The following MKLN1 variants were observed in gnomAD, a reference collection of about 807,000 sequenced individuals.
MKLN1 encodes muskelin 1, also known as muskelin.
Under a neutral mutation model 99.0 loss-of-function variants are expected in MKLN1, and 18 were observed. The ratio of observed to expected loss-of-function variants is 0.18; its 90% confidence interval spans 0.13 to 0.27. MKLN1 has a LOEUF of 0.27. MKLN1 is among the 10% of genes least tolerant of loss of function. The probability of loss-of-function intolerance (pLI) is 1.00; values close to 1 mark genes in which losing one functional copy is unlikely to be tolerated. For synonymous variants in MKLN1, 288 were observed against 293.2 expected (o/e 0.98, Z 0.18); for missense variants, 621 against 875.9 (o/e 0.71, Z 3.67).
At chr7:131,171,912 T>C (rs1213143178) in intron 2 of MKLN1, among the ~76,000 whole-genome samples, 2 of 152,190 alleles carry the variant, frequency 1.3e-5, no homozygotes, top group South Asian at 2.1e-4. Flanking sequence ...ATGCCTGAAG[T>C]TGGAAATGTC....
intron 2 of MKLN1, among the ~76,000 whole-genome samples, chr7:131,186,192 AAAAC>A (rs59214771): frequency 5.9e-5 from 9 of 151,532 alleles, no homozygotes; most frequent in Admixed American, 1.3e-4. Flanking sequence ...CTCCGTCTCA[AAAAC>A]AAACAAACAA....
chr7:131,165,202 T>C (rs966504596), intron 2 of MKLN1, among the ~76,000 whole-genome samples: 2 of 152,144 alleles, frequency 1.3e-5, no homozygotes, highest in South Asian at 4.2e-4. Context: ...TTTGCTTTTT[T>C]GAGACAGAGT....
At chr7:131,146,486 T>C (rs974450546) in intron 2 of MKLN1, among the ~76,000 whole-genome samples, 3 of 152,232 alleles carry the variant, frequency 2.0e-5, no homozygotes, top group Admixed American at 6.5e-5. Context: ...CTATAGTACA[T>C]AGATTCCCTC....
chr7:131,459,902 G>T (rs1326117876), intron 12 of MKLN1, among the ~76,000 whole-genome samples: 2 of 151,760 alleles, frequency 1.3e-5, no homozygotes, highest in Non-Finnish European at 2.9e-5. Context: ...AGATAATTTG[G>T]CTTCGATGGG....
chr7:131,445,435 C>G (rs1795983119), intron 11 of MKLN1, among the ~76,000 whole-genome samples: 1 of 152,028 alleles, frequency 6.6e-6, no homozygotes, highest in African/African-American at 2.4e-5. Context: ...CTTGCGTGCT[C>G]TCTCTCTCAC....
At chr7:131,452,861 C>T (rs1188420101) in intron 12 of MKLN1, among the ~76,000 whole-genome samples, 1 of 152,114 alleles carries the variant, frequency 6.6e-6, no homozygotes, top group Admixed American at 6.5e-5. Flanking sequence ...TCCTTTTATA[C>T]TTTTACCAAT....
chr7:131,169,849 C>T (rs1056837435), intron 2 of MKLN1, among the ~76,000 whole-genome samples: 1 of 152,116 alleles, frequency 6.6e-6, no homozygotes, highest in Non-Finnish European at 1.5e-5. Flanking sequence ...TAGAATTTCC[C>T]AAGAAATATT....
intron 12 of MKLN1, among the ~76,000 whole-genome samples, chr7:131,460,751 C>T (rs1796491989): frequency 6.6e-6 from 1 of 152,128 alleles, no homozygotes; most frequent in Non-Finnish European, 1.5e-5. Flanking sequence ...CCTGATTTGA[C>T]CCTGAGCAGG....
At chr7:131,271,126 A>G (rs1205142135) in intron 3 of MKLN1, among the ~76,000 whole-genome samples, 1 of 152,198 alleles carries the variant, frequency 6.6e-6, no homozygotes, top group Admixed American at 6.5e-5. Flanking sequence ...ACTACACAGT[A>G]CAACGTGATG....
At chr7:131,155,097 C>G (rs953401177) in intron 2 of MKLN1, among the ~76,000 whole-genome samples, 1 of 152,112 alleles carries the variant, frequency 6.6e-6, no homozygotes, top group Non-Finnish European at 1.5e-5. Flanking sequence ...ATCAATAATA[C>G]CATATGGAAA....
chr7:131,277,281 T>C (rs1366118803), intron 3 of MKLN1, among the ~76,000 whole-genome samples: 2 of 151,884 alleles, frequency 1.3e-5, no homozygotes, highest in African/African-American at 4.8e-5. Flanking sequence ...CAACAATCAA[T>C]TGTGCATTTT....
intron 9 of MKLN1, among the ~76,000 whole-genome samples, chr7:131,436,909 A>G (rs948373845): frequency 1.3e-5 from 2 of 152,166 alleles, no homozygotes; most frequent in Non-Finnish European, 2.9e-5. Context: ...TCAATCAGGA[A>G]AATTAATTTT....
chr7:131,320,977 T>G (rs1453633348), intron 3 of MKLN1, among the ~76,000 whole-genome samples: 1 of 152,234 alleles, frequency 6.6e-6, no homozygotes, highest in Non-Finnish European at 1.5e-5. Context: ...TTTACACTTG[T>G]TGGTGAGAGT....
At chr7:131,323,527 G>A (rs1215398891), upstream of MKLN1, 1 of 152,014 alleles carries the variant, frequency 6.6e-6, no homozygotes, top group Non-Finnish European at 1.5e-5. Flanking sequence ...CCCATTTTTG[G>A]TCATTGTTGC....
rs560702678 is a variant in MKLN1 at position 131,382,235 on chromosome 7, C to T, written c.169-4885C>T. ...AAAAAATTAGCCAGGCGTGGTGGCTCATGCCTGTAATCTCAGCTATTTGGG... is the reference window on the plus strand; with the variant it reads ...AAAAAATTAGCCAGGCGTGGTGGCTTATGCCTGTAATCTCAGCTATTTGGG... On this transcript the variant is annotated intron_variant, in intron 2 of 17. Coordinates refer to ENST00000352689, the MANE Select transcript of MKLN1 (RefSeq NM_013255.5). Among the ~76,000 whole-genome samples, 10 of 152,158 alleles carry T rather than the reference C, an allele frequency of 6.6e-5. No homozygotes were observed. In the East Asian group the frequency reaches 1.9e-3, roughly 29 times the overall value.
chr7:131,191,622 G>A (rs545952547), intron 2 of MKLN1, among the ~76,000 whole-genome samples: 2 of 152,176 alleles, frequency 1.3e-5, no homozygotes, highest in African/African-American at 4.8e-5. Flanking sequence ...ATTTTACAAG[G>A]AGAGAGAAAG....
intron 3 of MKLN1, among the ~76,000 whole-genome samples, chr7:131,270,808 T>C (rs2116556406): frequency 6.6e-6 from 1 of 152,052 alleles, no homozygotes; most frequent in Admixed American, 6.5e-5. Context: ...TTAATTATAA[T>C]AGTAATATTT....
Position 131,439,976 on chromosome 7 carries a change from G to T in MKLN1, c.1173+1979G>T, listed in dbSNP as rs78522184. On this transcript the variant is annotated intron_variant, in intron 10 of 17. Coordinates refer to ENST00000352689, the MANE Select transcript of MKLN1 (RefSeq NM_013255.5). Reference sequence around the variant, plus strand: ...GTAAACCTATAACTCCCAATGCCTTGTAAGTTTAGCCAGAAACAACTAAAA... The same window carrying T: ...GTAAACCTATAACTCCCAATGCCTTTTAAGTTTAGCCAGAAACAACTAAAA... 7.0e-3 allele frequency among the ~76,000 whole-genome samples: 1,069 copies of T among 151,768 alleles called. 5 individuals are homozygous for T. Among genetic ancestry groups the T allele is most frequent in the Non-Finnish European group, 0.012 (808 of 67,966 alleles).
At chr7:131,241,869 G>T (rs79117054) in intron 3 of MKLN1, among the ~76,000 whole-genome samples, 1 of 151,950 alleles carries the variant, frequency 6.6e-6, no homozygotes, top group African/African-American at 2.4e-5. Context: ...CATAGACCCC[G>T]CCAGCATTTT....
Sources: gnomAD v4.1 joint callset for allele counts (sites outside exome capture counted in the v4.1 genomes callset) on GRCh38, gnomAD v4.1.1 for gene constraint, MANE v1.5 for transcripts, NCBI Gene and HGNC (gene_info 2026-07-23, HGNC 2026-07-21) for gene names.